Variants in PRR16 observed in about 807,000 individuals in gnomAD.
The protein encoded by PRR16 is protein Largen.
Under a neutral mutation model 18.2 loss-of-function variants are expected in PRR16, and 6 were observed. That is an observed-to-expected ratio of 0.33 (90% CI 0.18 to 0.65). PRR16 has a LOEUF of 0.65. PRR16 is among the 30% of genes least tolerant of loss of function. The pLI, the probability that PRR16 is intolerant of heterozygous loss-of-function variation, is 0.74. For synonymous variants in PRR16, 151 were observed against 147.8 expected (o/e 1.02, Z -0.16); for missense variants, 412 against 376.6 (o/e 1.09, Z -0.78).
chr5:120,664,156 G>A (rs1303178021), intron 1 of PRR16, among the ~76,000 whole-genome samples: 2 of 151,996 alleles, frequency 1.3e-5, no homozygotes, highest in Non-Finnish European at 2.9e-5. Flanking sequence ...AAAATTAGCT[G>A]GGTATGGTGG....
At chr5:120,583,861 A>G (rs1483649397) in intron 1 of PRR16, among the ~76,000 whole-genome samples, 2 of 152,148 alleles carry the variant, frequency 1.3e-5, no homozygotes, top group Admixed American at 1.3e-4. Context: ...CCAAGCTGTC[A>G]TTGGTACTCT....
At chr5:120,707,638 G>T in the PRR16 span, among the ~76,000 whole-genome samples, 1 of 152,128 alleles carries the variant, frequency 6.6e-6, no homozygotes, top group Non-Finnish European at 1.5e-5. Flanking sequence ...GAGTCTCTAG[G>T]ATATTTATGA....
intron 1 of PRR16, among the ~76,000 whole-genome samples, chr5:120,565,322 TA>T (rs753797067): frequency 6.6e-6 from 1 of 152,148 alleles, no homozygotes; most frequent in East Asian, 1.9e-4. Context: ...AAAAAAGAAT[TA>T]AAAAACATTA....
At chr5:120,527,437 A>C (rs1042258161) in intron 1 of PRR16, among the ~76,000 whole-genome samples, 1 of 152,212 alleles carries the variant, frequency 6.6e-6, no homozygotes, top group African/African-American at 2.4e-5. Flanking sequence ...TTTGGCACAC[A>C]GCTGTGGTTT....
chr5:120,648,118 T>A (rs1755656454), intron 1 of PRR16, among the ~76,000 whole-genome samples: 1 of 152,110 alleles, frequency 6.6e-6, no homozygotes, highest in African/African-American at 2.4e-5. Flanking sequence ...ATATGCTAAT[T>A]TCCAATGTAA....
At chr5:120,593,710 A>G (rs971612553) in intron 1 of PRR16, among the ~76,000 whole-genome samples, 1 of 151,880 alleles carries the variant, frequency 6.6e-6, no homozygotes, top group Non-Finnish European at 1.5e-5. Context: ...AAGGAAGGAT[A>G]TCAGGACAAT....
Position 120,464,600 on chromosome 5 carries a change from AT to A in PRR16, c.116del (p.Leu39Ter). On this transcript the variant is annotated frameshift_variant, in exon 1 of 2. Transcript: ENST00000407149. LOFTEE classifies it high-confidence loss of function. ...QIKIIVEDLELVLGDLKDVAK... is the reference protein window; with the variant it reads ...QIKIIVEDLEXVLGDLKDVAK... ...TCAAGATCATCGTGGAGGATTTGGA[AT>A]TAGTCCTGGGCGACCTGAAGGACGT... 1 of 1,580,756 alleles carries A rather than the reference AT, an allele frequency of 6.3e-7. No homozygotes were observed. Among genetic ancestry groups the A allele is most frequent in the Non-Finnish European group, 8.5e-7 (1 of 1,171,466 alleles).
At chr5:120,553,549 A>G (rs1437402543) in intron 1 of PRR16, among the ~76,000 whole-genome samples, 1 of 151,938 alleles carries the variant, frequency 6.6e-6, no homozygotes. Flanking sequence ...AGATCATTAT[A>G]ATCTTTTCTT....
At chr5:120,526,906 A>G (rs1008343877) in intron 1 of PRR16, among the ~76,000 whole-genome samples, 4 of 152,142 alleles carry the variant, frequency 2.6e-5, no homozygotes, top group Admixed American at 2.0e-4. Context: ...AAATGGTTTA[A>G]GTATACAATA....
intron 1 of PRR16, among the ~76,000 whole-genome samples, chr5:120,672,112 C>T (rs1315605425): frequency 1.3e-5 from 2 of 152,108 alleles, no homozygotes; most frequent in East Asian, 1.9e-4. Flanking sequence ...CACTGGATCA[C>T]CAAGTGGCAC....
intron 1 of PRR16, among the ~76,000 whole-genome samples, chr5:120,663,075 G>A (rs1309343603): frequency 3.9e-5 from 6 of 152,070 alleles, no homozygotes; most frequent in African/African-American, 1.4e-4. Context: ...TGTCAACCCT[G>A]CAGTCTGCCC....
At chr5:120,588,045 G>A (rs1356863079) in intron 1 of PRR16, among the ~76,000 whole-genome samples, 1 of 152,196 alleles carries the variant, frequency 6.6e-6, no homozygotes, top group Non-Finnish European at 1.5e-5. Context: ...CTTCAGTGGA[G>A]GAAGTAACTG....
chr5:120,487,999 C>T (rs1749876904), intron 1 of PRR16, among the ~76,000 whole-genome samples: 1 of 152,092 alleles, frequency 6.6e-6, no homozygotes, highest in Non-Finnish European at 1.5e-5. Context: ...GGATGAAGCC[C>T]ACTTGATCAT....
chr5:120,489,881 T>C (rs1211003762), intron 1 of PRR16, among the ~76,000 whole-genome samples: 1 of 152,226 alleles, frequency 6.6e-6, no homozygotes, highest in Non-Finnish European at 1.5e-5. Context: ...TGCTTGTCTG[T>C]AAAGTATTTT....
chr5:120,544,859 T>C lies in PRR16; in HGVS notation c.159+80214T>C, dbSNP rs376671780. Among the ~76,000 whole-genome samples, 8 of 152,232 alleles carry C rather than the reference T, an allele frequency of 5.3e-5. No homozygotes were observed. The East Asian group carries it at 1.5e-3, about 29-fold the overall frequency. On this transcript the variant is annotated intron_variant, in intron 1 of 1. Coordinates refer to ENST00000407149, the MANE Select transcript of PRR16 (RefSeq NM_001300783.2). ...GTTGACTTCTTGTTCAGTACTCTTT[T>C]GAAAAATTTAGATGGCAGTATTCTT...
intron 1 of PRR16, among the ~76,000 whole-genome samples, chr5:120,480,074 A>G (rs1207219271): frequency 6.6e-6 from 1 of 152,182 alleles, no homozygotes; most frequent in African/African-American, 2.4e-5. Context: ...CCTTATTCAT[A>G]ACAGGCTGCA....
rs1208444611 is a variant in PRR16, at chr5:120,685,859, T to G, written c.160-95T>G. ...TGTTCAGTTCAATATCAGTTAAGGC[T>G]TCCATAGCAGATTTCCCCTAGACAA... On this transcript the variant is annotated intron_variant, in intron 1 of 1. Transcript: ENST00000407149. 4 of 1,283,142 alleles carry G rather than the reference T, an allele frequency of 3.1e-6. No homozygotes were observed. In the African/African-American group the frequency reaches 4.5e-5, roughly 14 times the overall value. The allele number at this position is 1,283,142 out of a possible 1,614,324, so 79.5% of individuals were successfully genotyped here.
intron 1 of PRR16, among the ~76,000 whole-genome samples, chr5:120,631,031 T>C (rs534290740): frequency 1.3e-5 from 2 of 152,296 alleles, no homozygotes; most frequent in African/African-American, 4.8e-5. Context: ...TGATTTTTAA[T>C]GTTTGTAATC....
chr5:120,764,272 A>G, the PRR16 span, among the ~76,000 whole-genome samples: 6 of 151,930 alleles, frequency 3.9e-5, no homozygotes, highest in Admixed American at 3.9e-4. Context: ...TCATGAAATC[A>G]TATTGAATTT....
Sources: gnomAD v4.1 joint callset for allele counts (sites outside exome capture counted in the v4.1 genomes callset) on GRCh38, gnomAD v4.1.1 for gene constraint, MANE v1.5 for transcripts, NCBI Gene and HGNC (gene_info 2026-07-23, HGNC 2026-07-21) for gene names.